The following CRYBB1 variants were observed in gnomAD, a reference collection of about 807,000 sequenced individuals.
The protein encoded by CRYBB1 is crystallin beta B1, also known as beta-crystallin B1.
Under a neutral mutation model 29.5 loss-of-function variants are expected in CRYBB1, and 16 were observed. That is an observed-to-expected ratio of 0.54 (90% confidence interval 0.37 to 0.82). The LOEUF (loss-of-function observed/expected upper bound fraction) is 0.82, where lower values mean the gene tolerates loss of function less well. Ranked by LOEUF, CRYBB1 falls within the 40% of genes least tolerant of loss-of-function variation. The pLI is 0.00. For missense variants in CRYBB1, 300 were observed against 350.5 expected, an observed-to-expected ratio of 0.86 and a Z score of 1.15; for synonymous variants, 127 against 136.7, an observed-to-expected ratio of 0.93 and a Z score of 0.49.
In CRYBB1 at chr22:26,607,560, GAA is replaced by G. The variant is rs397868247; in HGVS notation, c.432+327_432+328del. Among the ~76,000 whole-genome samples the G allele has an allele frequency of 6.7e-3, 775 of 116,274 alleles. 1 individual carries two copies. Among genetic ancestry groups the G allele is most frequent in the Admixed American group, 8.7e-3 (95 of 10,914 alleles). 76.3% of individuals were successfully genotyped at this position (116,274 alleles called of 152,430 possible). ...GGACACAGCAAAACCCCATCTTTGG[GAA>G]AAAAAAAAAAAAAAAAAGCTCCCAG... On this transcript the variant is annotated intron_variant, in intron 4 of 5. Coordinates refer to ENST00000647684, the MANE Select transcript of CRYBB1 (RefSeq NM_001887.4).
intron 5 of CRYBB1, among the ~76,000 whole-genome samples, chr22:26,600,129 C>T (rs1465296897): frequency 1.3e-5 from 2 of 152,018 alleles, no homozygotes; most frequent in South Asian, 2.1e-4. Flanking sequence ...TGGCTGGGCG[C>T]GGTGGCTCAA....
At chr22:26,603,730 C>T (rs1481185962) in intron 4 of CRYBB1, among the ~76,000 whole-genome samples, 1 of 149,266 alleles carries the variant, frequency 6.7e-6, no homozygotes, top group Non-Finnish European at 1.5e-5. Context: ...ATGGAGAAAC[C>T]CCATCTCTAC....
intron 5 of CRYBB1, 106 bp from the exon 6 acceptor site, chr22:26,599,779 G>T: frequency 1.1e-6 from 1 of 871,158 alleles, no homozygotes; most frequent in Non-Finnish European, 1.9e-6. Flanking sequence ...GCAGTCGGCT[G>T]CTCTCTCACT....
At chr22:26,605,266 T>G (rs1258559636) in intron 4 of CRYBB1, among the ~76,000 whole-genome samples, 1 of 152,220 alleles carries the variant, frequency 6.6e-6, no homozygotes, top group Non-Finnish European at 1.5e-5. Flanking sequence ...TGGATTTTTA[T>G]GATTAGCTTT....
chr22:26,616,410 T>C, intron 1 of CRYBB1, 72 bp from the exon 2 acceptor site: 2 of 1,025,166 alleles, frequency 2.0e-6, no homozygotes, highest in Non-Finnish European at 3.0e-6. Flanking sequence ...CCACATCCTG[T>C]GCTTTCAGCC....
intron 1 of CRYBB1, among the ~76,000 whole-genome samples, chr22:26,617,135 A>G (rs1929382736): frequency 6.6e-6 from 1 of 151,872 alleles, no homozygotes; most frequent in South Asian, 2.1e-4. Context: ...AAGAGGATGT[A>G]TTTACTGCAT....
In CRYBB1 at chr22:26,612,114, C is replaced by G; in HGVS notation, c.257G>C (p.Arg86Pro). 6.2e-7 allele frequency: 1 copy of G among 1,613,856 alleles called. No homozygotes were observed. The highest frequency in any genetic ancestry group is 8.5e-7 in the Non-Finnish European group (1 of 1,179,992). ...FSGECSNLAD[R>P]GFDRVRSIIV... ...GATGCTGCGCACACGGTCGAAGCCA[C>G]GGTCTGCCAGATTTGAGCACTCCCC... The change falls in exon 3 of 6, where the codon CGT becomes CCT. Residue 86 changes from arginine (R) to proline (P), a missense_variant. Transcript: ENST00000647684.
intron 5 of CRYBB1, among the ~76,000 whole-genome samples, chr22:26,600,692 G>A (rs1928794199): frequency 6.6e-6 from 1 of 152,248 alleles, no homozygotes; most frequent in Non-Finnish European, 1.5e-5. Context: ...GTTATCATCA[G>A]TGATTAATTT....
intron 2 of CRYBB1, among the ~76,000 whole-genome samples, chr22:26,615,055 G>A (rs1929298870): frequency 6.6e-6 from 1 of 152,112 alleles, no homozygotes; most frequent in South Asian, 2.1e-4. Context: ...TGGGTGGTGG[G>A]TTTGTAGGTG....
rs1311959246 is a variant in CRYBB1, at chr22:26,617,974, T to TA, written c.-20+2dup. On this transcript the variant is annotated splice_region_variant and intron_variant, in intron 1 of 5. Coordinates refer to ENST00000647684, the MANE Select transcript of CRYBB1 (RefSeq NM_001887.4). Reference sequence around the variant, plus strand: ...CTCAGCTGGGCTGTGGGTTCCCTCTTACCTGGGGACTTGCTACTTCCTGCT... The same window carrying TA: ...CTCAGCTGGGCTGTGGGTTCCCTCTTAACCTGGGGACTTGCTACTTCCTGCT... 1 of 153,260 alleles carries TA rather than the reference T, an allele frequency of 6.5e-6. No homozygotes were observed. Among genetic ancestry groups the TA allele is most frequent in the Non-Finnish European group, 1.5e-5 (1 of 68,486 alleles). 9.5% of individuals were successfully genotyped at this position (153,260 alleles called of 1,614,324 possible).
In CRYBB1 at chr22:26,607,560, G is replaced by GAA. The variant is rs397868247; in HGVS notation, c.432+327_432+328dup. ...GGACACAGCAAAACCCCATCTTTGG[G>GAA]AAAAAAAAAAAAAAAAAAAGCTCCC... is the stretch of plus-strand genomic sequence containing the variant. On this transcript the variant is annotated intron_variant, in intron 4 of 5. Coordinates refer to ENST00000647684, the MANE Select transcript of CRYBB1 (RefSeq NM_001887.4). Among the ~76,000 whole-genome samples, 16,584 of 115,756 alleles carry GAA rather than the reference G, an allele frequency of 0.14. 1,344 individuals carry two copies. Among genetic ancestry groups the GAA allele is most frequent in the South Asian group, 0.27 (939 of 3,460 alleles). The allele number at this position is 115,756 out of a possible 152,430, so 75.9% of individuals were successfully genotyped here.
At chr22:26,611,253 C>T (rs1929148086) in intron 3 of CRYBB1, among the ~76,000 whole-genome samples, 1 of 152,108 alleles carries the variant, frequency 6.6e-6, no homozygotes, top group Admixed American at 6.5e-5. Flanking sequence ...TTCCATCTGT[C>T]AAGTGGGCAT....
intron 4 of CRYBB1, among the ~76,000 whole-genome samples, chr22:26,605,751 ATT>A (rs994493074): frequency 1.2e-5 from 1 of 83,070 alleles, no homozygotes. Context: ...GGTCAGGTTT[ATT>A]TTTTTTTTTT....
chr22:26,614,086 C>G (rs1286613653), intron 2 of CRYBB1, among the ~76,000 whole-genome samples: 1 of 152,270 alleles, frequency 6.6e-6, no homozygotes, highest in African/African-American at 2.4e-5. Context: ...AACCCTGTCT[C>G]CTGATAAGAT....
chr22:26,600,686 T>A (rs1187679572), intron 5 of CRYBB1, among the ~76,000 whole-genome samples: 1 of 152,256 alleles, frequency 6.6e-6, no homozygotes, highest in African/African-American at 2.4e-5. Context: ...ATAGAAGTTA[T>A]CATCAGTGAT....
chr22:26,615,137 T>C (rs963878275), intron 2 of CRYBB1, among the ~76,000 whole-genome samples: 2 of 152,254 alleles, frequency 1.3e-5, no homozygotes, highest in Admixed American at 6.5e-5. Context: ...TGCCACGCAC[T>C]GACCACATGA....
chr22:26,601,807 G>A, intron 5 of CRYBB1, 72 bp downstream of exon 5: 1 of 1,606,480 alleles, frequency 6.2e-7, no homozygotes, highest in Admixed American at 1.7e-5. Context: ...GTTATAACCT[G>A]TAAGGGGAGC....
At chr22:26,608,269 GT>G (rs1257477385) in intron 3 of CRYBB1, among the ~76,000 whole-genome samples, 1 of 152,194 alleles carries the variant, frequency 6.6e-6, no homozygotes, top group Non-Finnish European at 1.5e-5. Flanking sequence ...TTTCCTTGGA[GT>G]TGGTGAAGGA....
intron 4 of CRYBB1, among the ~76,000 whole-genome samples, chr22:26,607,630 A>C (rs76212158): frequency 6.6e-6 from 1 of 151,706 alleles, no homozygotes; most frequent in Non-Finnish European, 1.5e-5. Flanking sequence ...AGAATCAAGG[A>C]AGATGCTGAA....
Sources: allele counts gnomAD v4.1 joint callset (sites outside exome capture counted in the v4.1 genomes callset), GRCh38; gene constraint gnomAD v4.1.1; transcripts MANE v1.5; gene names NCBI Gene and HGNC (gene_info 2026-07-23, HGNC 2026-07-21).